The following PRDM11 variants were observed in gnomAD, a reference collection of about 807,000 sequenced individuals.
The protein encoded by PRDM11 is PR/SET domain 11, also known as PR domain-containing protein 11.
A neutral mutation model predicts 97.8 loss-of-function variants in PRDM11; 20 were observed. That is an observed-to-expected ratio of 0.20 (90% CI 0.14 to 0.30). PRDM11 has a LOEUF of 0.30. PRDM11 is among the 10% of genes least tolerant of loss of function. PRDM11 has a pLI of 1.00. For missense variants in PRDM11, 1,139 were observed against 1,555.2 expected (o/e 0.73, Z 4.50); for synonymous variants, 599 against 637.7 (o/e 0.94, Z 0.91).
chr11:45,127,126 C>T (rs1166583429), intron 1 of PRDM11, among the ~76,000 whole-genome samples: 2 of 152,260 alleles, frequency 1.3e-5, no homozygotes, highest in African/African-American at 4.8e-5. Flanking sequence ...CAGTTAATCA[C>T]GTCAGCTCCT....
intron 1 of PRDM11, among the ~76,000 whole-genome samples, chr11:45,108,839 G>C (rs1243015500): frequency 1.3e-5 from 2 of 152,256 alleles, no homozygotes. Flanking sequence ...TGCACCCGCA[G>C]GCCAGGCAGC....
At position 45,113,833 on chromosome 11, in the gene PRDM11, T is replaced by TG. The variant is rs1291660967; in HGVS notation, c.96+17932_96+17933insG. Among the ~76,000 whole-genome samples the TG allele has an allele frequency of 5.7e-4, 86 of 149,614 alleles. 3 individuals are homozygous for TG. Among genetic ancestry groups the TG allele is most frequent in the South Asian group, 1.9e-3 (9 of 4,790 alleles). Reference sequence around the variant, plus strand: ...GTGTGTGTGTGTGTGTGTTTTGTTTTTTTTTTTTTTTACAAAAAATCACAT... The same window carrying TG: ...GTGTGTGTGTGTGTGTGTTTTGTTTTGTTTTTTTTTTTACAAAAAATCACAT... On this transcript the variant is annotated intron_variant, in intron 1 of 6. Transcript: ENST00000530656.
intron 1 of PRDM11, among the ~76,000 whole-genome samples, chr11:45,110,588 A>T (rs1297312679): frequency 1.3e-5 from 2 of 152,226 alleles, no homozygotes; most frequent in East Asian, 1.9e-4. Context: ...GCCCAGAAAG[A>T]GGACAGGCCG....
chr11:45,103,214 C>T (rs1852008417), intron 1 of PRDM11, among the ~76,000 whole-genome samples: 1 of 152,184 alleles, frequency 6.6e-6, no homozygotes, highest in African/African-American at 2.4e-5. Context: ...GCCCAGAAAC[C>T]CTGACCACCC....
chr11:45,145,646 A>G (rs1481690965), upstream of PRDM11, among the ~76,000 whole-genome samples: 2 of 152,196 alleles, frequency 1.3e-5, no homozygotes. Flanking sequence ...GAGCTTGCAC[A>G]GAGCATCCTC....
rs1854389529 is a variant in PRDM11, at chr11:45,231,038, C to T, written c.*2879C>T. 6.6e-6 allele frequency: 1 copy of T among 152,258 alleles called. No homozygotes were observed. Among genetic ancestry groups the T allele is most frequent in the African/African-American group, 2.4e-5 (1 of 41,460 alleles). 9.4% of individuals were successfully genotyped at this position (152,258 alleles called of 1,614,324 possible). Reference sequence around the variant, plus strand: ...GGCCACCAGACCTCGGAAAAGCTAACCTCTCAGGTGGTCTTGAAGTTAGGT... The same window carrying T: ...GGCCACCAGACCTCGGAAAAGCTAATCTCTCAGGTGGTCTTGAAGTTAGGT... On this transcript the variant is annotated 3_prime_UTR_variant, in exon 8 of 8. Coordinates refer to ENST00000683152, the MANE Select transcript of PRDM11 (RefSeq NM_001384648.1).
intron 5 of PRDM11, among the ~76,000 whole-genome samples, chr11:45,211,154 A>C (rs978451220): frequency 6.6e-6 from 1 of 151,764 alleles, no homozygotes; most frequent in Admixed American, 6.6e-5. Flanking sequence ...GCCGGGTCTC[A>C]CTCCTTCCAA....
chr11:45,122,029 T>C (rs1852441063), intron 1 of PRDM11, among the ~76,000 whole-genome samples: 1 of 149,858 alleles, frequency 6.7e-6, no homozygotes, highest in African/African-American at 2.5e-5. Flanking sequence ...CAACAGCAAA[T>C]TAAACCTCAA....
chr11:45,135,809 T>C (rs11038320), intron 1 of PRDM11, among the ~76,000 whole-genome samples: 5,985 of 152,186 alleles, frequency 0.039, 412 homozygotes, highest in African/African-American at 0.14. Context: ...AAACCCATAA[T>C]CCGAGTCTAA....
chr11:45,201,228 G>C (rs940772301), intron 4 of PRDM11, among the ~76,000 whole-genome samples: 51 of 152,272 alleles, frequency 3.3e-4, no homozygotes, highest in African/African-American at 1.2e-3. Context: ...GTTAAGTTTT[G>C]AGTATTTATT....
Position 45,228,248 on chromosome 11 carries a change from T to C in PRDM11, c.*89T>C, listed in dbSNP as rs1854325129. The stretch of plus-strand genomic sequence containing the variant: ...TGATATATTATATAAATATATATTA[T>C]ATTATATTATATTATATTATATATA... On this transcript the variant is annotated 3_prime_UTR_variant, in exon 8 of 8. Coordinates refer to ENST00000683152, the MANE Select transcript of PRDM11 (RefSeq NM_001384648.1). 1 of 284,892 alleles carries C rather than the reference T, an allele frequency of 3.5e-6. No individual in the cohort carries two copies. Among genetic ancestry groups the C allele is most frequent in the Non-Finnish European group, 5.3e-6 (1 of 190,304 alleles). The allele number at this position is 284,892 out of a possible 1,614,324, so 17.6% of individuals were successfully genotyped here.
chr11:45,106,173 C>A lies in PRDM11; in HGVS notation c.96+10272C>A, dbSNP rs190708463. Among the ~76,000 whole-genome samples, 5 of 152,310 alleles carry A rather than the reference C, an allele frequency of 3.3e-5. No homozygotes were observed. In the East Asian group the frequency reaches 9.7e-4, roughly 29 times the overall value. Reference sequence around the variant, plus strand: ...AAGGGCCTCTGGGGTCACTGCAGTCCCTCTGGCCTCAAGCCCAGGCTGGCC... The same window carrying A: ...AAGGGCCTCTGGGGTCACTGCAGTCACTCTGGCCTCAAGCCCAGGCTGGCC... On this transcript the variant is annotated intron_variant, in intron 1 of 6. Transcript: ENST00000530656.
intron 5 of PRDM11, among the ~76,000 whole-genome samples, chr11:45,217,000 T>C (rs1853973580): frequency 6.6e-6 from 1 of 152,220 alleles, no homozygotes; most frequent in Admixed American, 6.5e-5. Flanking sequence ...GAAGACAGTA[T>C]TCTCCAATCA....
Position 45,231,353 on chromosome 11 carries a change from C to G in PRDM11, c.*3194C>G, listed in dbSNP as rs1441897192. The G allele has an allele frequency of 6.6e-6, 1 of 152,020 alleles. No homozygotes were observed. Among genetic ancestry groups the G allele is most frequent in the Non-Finnish European group, 1.5e-5 (1 of 68,032 alleles). 9.4% of individuals were successfully genotyped at this position (152,020 alleles called of 1,614,324 possible). A position where few individuals can be genotyped will look rare whatever the true frequency, so the allele number is the denominator to read the frequency against. ...ACTGATGGGACACTCAGGGTCTAGC[C>G]CAGGGAGCATATGCTTGGCTAACCT... is the stretch of plus-strand genomic sequence containing the variant. On this transcript the variant is annotated 3_prime_UTR_variant, in exon 8 of 8. Coordinates refer to ENST00000683152, the MANE Select transcript of PRDM11 (RefSeq NM_001384648.1).
chr11:45,210,191 C>T (rs1853675650), intron 5 of PRDM11, among the ~76,000 whole-genome samples: 1 of 152,192 alleles, frequency 6.6e-6, no homozygotes, highest in South Asian at 2.1e-4. Context: ...GCCTGAGCCA[C>T]GCTGCCTGCC....
intron 6 of PRDM11, among the ~76,000 whole-genome samples, chr11:45,223,070 C>T (rs1452980930): frequency 2.0e-5 from 3 of 152,180 alleles, no homozygotes; most frequent in Admixed American, 6.5e-5. Context: ...AATCTCAGCA[C>T]TTTGGGAGGC....
intron 4 of PRDM11, among the ~76,000 whole-genome samples, chr11:45,188,613 C>T (rs551020256): frequency 3.3e-5 from 5 of 152,238 alleles, no homozygotes; most frequent in Non-Finnish European, 7.3e-5. Context: ...CATAATGGAC[C>T]GAATGGCCAT....
At chr11:45,147,372 C>T (rs1295673798) in intron 1 of PRDM11, 5 of 152,098 alleles carry the variant, frequency 3.3e-5, no homozygotes, top group African/African-American at 9.7e-5. Flanking sequence ...GGCCCCGCGC[C>T]GGGGGCTGCT....
chr11:45,230,336 C>T lies in PRDM11; in HGVS notation c.*2177C>T, dbSNP rs896503267. The stretch of plus-strand genomic sequence containing the variant: ...CCAGTTGCACACATGCTTCCCTACC[C>T]TCCTCTGAGCAAGAAGACAGTTAGC... On this transcript the variant is annotated 3_prime_UTR_variant, in exon 8 of 8. Coordinates refer to ENST00000683152, the MANE Select transcript of PRDM11 (RefSeq NM_001384648.1). 6.6e-6 allele frequency: 1 copy of T among 152,174 alleles called. No individual in the cohort carries two copies. Among genetic ancestry groups the T allele is most frequent in the African/African-American group, 2.4e-5 (1 of 41,426 alleles). The allele number at this position is 152,174 out of a possible 1,614,324, so 9.4% of individuals were successfully genotyped here. A position where few individuals can be genotyped will look rare whatever the true frequency, so the allele number is the denominator to read the frequency against.
Sources: gnomAD v4.1 joint callset for allele counts (sites outside exome capture counted in the v4.1 genomes callset) on GRCh38, gnomAD v4.1.1 for gene constraint, MANE v1.5 for transcripts, NCBI Gene and HGNC (gene_info 2026-07-23, HGNC 2026-07-21) for gene names.